MECOM: variants seen among roughly 807,000 people sequenced by gnomAD.
MECOM encodes MDS1 and EVI1 complex locus.
In MECOM, 13 loss-of-function variants were observed where a neutral mutation model predicts 116.3. That is an observed-to-expected ratio of 0.11 (90% CI 0.07 to 0.18). The LOEUF (loss-of-function observed/expected upper bound fraction) is 0.18. Among genes scored for constraint, MECOM ranks in the 10% least tolerant of loss-of-function variants. The pLI, the probability that MECOM is intolerant of heterozygous loss-of-function variation, is 1.00. For synonymous variants in MECOM, 528 were observed against 535.2 expected, an observed-to-expected ratio of 0.99 and a Z score of 0.19; for missense variants, 1,299 against 1,509.0, an observed-to-expected ratio of 0.86 and a Z score of 2.31.
intron 2 of MECOM, among the ~76,000 whole-genome samples, chr3:169,241,644 G>T (rs768567239): frequency 2.0e-5 from 3 of 152,100 alleles, no homozygotes; most frequent in Non-Finnish European, 4.4e-5. Flanking sequence ...AAAGTGTACT[G>T]ATCACTTATT....
intron 2 of MECOM, among the ~76,000 whole-genome samples, chr3:169,185,119 G>A (rs1468499818): frequency 6.6e-6 from 1 of 152,114 alleles, no homozygotes; most frequent in Non-Finnish European, 1.5e-5. Flanking sequence ...TAAGCAAGAG[G>A]GTAGAAATAT....
At chr3:169,265,118 C>G (rs891353143) in intron 2 of MECOM, among the ~76,000 whole-genome samples, 1 of 151,692 alleles carries the variant, frequency 6.6e-6, no homozygotes, top group African/African-American at 2.4e-5. Flanking sequence ...TTTTTTTTAA[C>G]CTTATCCATG....
At chr3:169,311,702 G>C (rs1454182348) in intron 2 of MECOM, among the ~76,000 whole-genome samples, 1 of 150,684 alleles carries the variant, frequency 6.6e-6, no homozygotes, top group South Asian at 2.1e-4. Flanking sequence ...TTGTACTTTT[G>C]TTTTTCAAAA....
At chr3:169,536,619 A>C (rs1179929787) in intron 1 of MECOM, among the ~76,000 whole-genome samples, 1 of 152,146 alleles carries the variant, frequency 6.6e-6, no homozygotes, top group Non-Finnish European at 1.5e-5. Flanking sequence ...ATGTTTAAAA[A>C]ACAAAGTAGC....
chr3:169,646,017 T>TA (rs1022816127), intron 1 of MECOM, among the ~76,000 whole-genome samples: 3 of 152,096 alleles, frequency 2.0e-5, no homozygotes, highest in African/African-American at 7.2e-5. Flanking sequence ...TCCCTAAAAG[T>TA]AAAAAAAGAA....
At chr3:169,382,849 C>CAAAAAAAAAAAAAAAAAAAAAA (rs1157852145) in intron 1 of MECOM, among the ~76,000 whole-genome samples, 13 of 47,156 alleles carry the variant, frequency 2.8e-4, no homozygotes, top group African/African-American at 7.1e-4. Flanking sequence ...AAGCCCATCT[C>CAAAAAAAAAAAAAAAAAAAAAA]AAAAAAAAAA....
chr3:169,132,592 A>G (rs1735100250), intron 3 of MECOM, among the ~76,000 whole-genome samples: 1 of 152,136 alleles, frequency 6.6e-6, no homozygotes, highest in Non-Finnish European at 1.5e-5. Flanking sequence ...AATGAGACCA[A>G]TTATATTATA....
chr3:169,508,844 T>C (rs912869629), intron 1 of MECOM, among the ~76,000 whole-genome samples: 1 of 152,198 alleles, frequency 6.6e-6, no homozygotes, highest in Admixed American at 6.5e-5. Flanking sequence ...TTTAAAACAA[T>C]TACTTAACCC....
At chr3:169,568,075 A>G (rs1763446139) in intron 1 of MECOM, among the ~76,000 whole-genome samples, 1 of 152,166 alleles carries the variant, frequency 6.6e-6, no homozygotes, top group Non-Finnish European at 1.5e-5. Context: ...GAGGGTGAGC[A>G]GAAGCAGGAT....
chr3:169,546,949 T>A (rs936850139), intron 1 of MECOM, among the ~76,000 whole-genome samples: 7 of 152,164 alleles, frequency 4.6e-5, no homozygotes, highest in African/African-American at 1.7e-4. Flanking sequence ...TTCAATTACT[T>A]CCAACACAGT....
chr3:169,155,950 A>C (rs1741896792), intron 2 of MECOM, among the ~76,000 whole-genome samples: 1 of 152,168 alleles, frequency 6.6e-6, no homozygotes, highest in African/African-American at 2.4e-5. Flanking sequence ...AAATTTTTAC[A>C]GTATGTAATA....
intron 1 of MECOM, among the ~76,000 whole-genome samples, chr3:169,583,304 C>T (rs1353343214): frequency 6.6e-6 from 1 of 152,178 alleles, no homozygotes; most frequent in African/African-American, 2.4e-5. Flanking sequence ...AATAATTCTA[C>T]TTATATCCCT....
At chr3:169,538,313 A>G (rs1759635877) in intron 1 of MECOM, among the ~76,000 whole-genome samples, 1 of 152,154 alleles carries the variant, frequency 6.6e-6, no homozygotes, top group Non-Finnish European at 1.5e-5. Flanking sequence ...GATTGGGCCC[A>G]AGGTATACTT....
intron 1 of MECOM, among the ~76,000 whole-genome samples, chr3:169,622,370 G>A (rs529041528): frequency 6.6e-6 from 1 of 152,122 alleles, no homozygotes; most frequent in African/African-American, 2.4e-5. Flanking sequence ...GAGATTACAG[G>A]GTATGAGCCA....
intron 1 of MECOM, among the ~76,000 whole-genome samples, chr3:169,641,104 T>C (rs577590942): frequency 2.0e-5 from 3 of 152,128 alleles, no homozygotes; most frequent in Admixed American, 6.5e-5. Flanking sequence ...AAGATTGGAG[T>C]TCAGGCAAAC....
intron 2 of MECOM, chr3:169,145,604 T>C (rs1193157696): frequency 8.9e-6 from 2 of 224,022 alleles, no homozygotes; most frequent in African/African-American, 4.5e-5. Flanking sequence ...ATAAAGGACA[T>C]AGAATAAAGC....
At chr3:169,530,422 A>G (rs899383595) in intron 1 of MECOM, among the ~76,000 whole-genome samples, 1 of 152,174 alleles carries the variant, frequency 6.6e-6, no homozygotes, top group African/African-American at 2.4e-5. Flanking sequence ...AATTTAGTAT[A>G]AGTGGAGCAT....
intron 1 of MECOM, among the ~76,000 whole-genome samples, chr3:169,591,646 C>T (rs1053318068): frequency 2.6e-5 from 4 of 151,920 alleles, no homozygotes; most frequent in Admixed American, 2.6e-4. Flanking sequence ...CCGTGCTAAT[C>T]ACCTATTTCA....
At chr3:169,368,603 A>AAT (rs1415194420) in intron 2 of MECOM, among the ~76,000 whole-genome samples, 1 of 151,998 alleles carries the variant, frequency 6.6e-6, no homozygotes, top group Non-Finnish European at 1.5e-5. Flanking sequence ...TCTAAGATAG[A>AAT]TTTGAATTGG....
Sources: gnomAD v4.1 joint callset for allele counts (sites outside exome capture counted in the v4.1 genomes callset) on GRCh38, gnomAD v4.1.1 for gene constraint, MANE v1.5 for transcripts, NCBI Gene and HGNC (gene_info 2026-07-23, HGNC 2026-07-21) for gene names.